Variants in LMTK2 observed in about 807,000 individuals in gnomAD.
The protein encoded by LMTK2 is serine/threonine-protein kinase LMTK2.
Under a neutral mutation model 127.5 loss-of-function variants are expected in LMTK2, and 37 were observed. The observed-to-expected ratio is 0.29, with a 90% CI of 0.22 to 0.38. The LOEUF (loss-of-function observed/expected upper bound fraction) is 0.38, where lower values mean the gene tolerates loss of function less well. Ranked by LOEUF, LMTK2 falls within the 10% of genes least tolerant of loss-of-function variation. The pLI is 1.00. For missense variants in LMTK2, 1,694 were observed against 1,920.3 expected (o/e 0.88, Z 2.20); for synonymous variants, 819 against 810.1 (o/e 1.01, Z -0.19).
At chr7:98,183,358 C>G (rs1275536924) in intron 7 of LMTK2, among the ~76,000 whole-genome samples, 1 of 152,134 alleles carries the variant, frequency 6.6e-6, no homozygotes, top group African/African-American at 2.4e-5. Context: ...TTATCTTAAC[C>G]CAGACACTCC....
intron 1 of LMTK2, among the ~76,000 whole-genome samples, chr7:98,127,763 C>A (rs13228540): frequency 6.6e-6 from 1 of 152,094 alleles, no homozygotes; most frequent in Non-Finnish European, 1.5e-5. Flanking sequence ...CCCCAAATAC[C>A]CTGATGTGGT....
chr7:98,107,309 T>A, intron 1 of LMTK2, 29 bp downstream of exon 1: 1 of 1,030,076 alleles, frequency 9.7e-7, no homozygotes, highest in Non-Finnish European at 1.2e-6. Context: ...GGGACGGGGC[T>A]GCGGGGTCTT....
chr7:98,112,891 C>G (rs1796223078), intron 1 of LMTK2, among the ~76,000 whole-genome samples: 1 of 152,220 alleles, frequency 6.6e-6, no homozygotes, highest in Non-Finnish European at 1.5e-5. Context: ...CAGTCTTGCT[C>G]TGTCACTCAG....
chr7:98,122,724 GTGTATA>G (rs1452379331), intron 1 of LMTK2, among the ~76,000 whole-genome samples: 233 of 21,982 alleles, frequency 0.011, 6 homozygotes, highest in South Asian at 0.09. Flanking sequence ...GTGTGTGTGT[GTGTATA>G]TATATAACTG....
intron 7 of LMTK2, among the ~76,000 whole-genome samples, chr7:98,175,765 T>G (rs771415955): frequency 6.6e-6 from 1 of 152,198 alleles, no homozygotes; most frequent in African/African-American, 2.4e-5. Context: ...CCAGTTTGAC[T>G]GCAGCTACAA....
Position 98,193,364 on chromosome 7 carries a change from G to T in LMTK2, c.2899G>T (p.Ala967Ser). ...AGCAAAAGAAGCAGGCTTGGTGTCT[G>T]CCCTCTCCTCGGACTCAACCAGTCA... ...DAAKEAGLVS[A>S]LSSDSTSQDS... Residue 967 changes from alanine (A) to serine (S), a missense_variant, in exon 11 of 14, where the codon GCC becomes TCC. By Grantham distance (99) the Ala-to-Ser change is moderately conservative (BLOSUM62 1). This residue lies in a region of LMTK2 where 527 missense variants were observed against 539.8 expected (regional missense o/e 0.98). Coordinates refer to ENST00000297293, the MANE Select transcript of LMTK2 (RefSeq NM_014916.4). The surrounding 1 kb of genome is among the most constrained non-coding windows in gnomAD (Gnocchi z 4.1). 6.2e-7 allele frequency: 1 copy of T among 1,614,166 alleles called. No individual in the cohort carries two copies. Among genetic ancestry groups the T allele is most frequent in the Non-Finnish European group, 8.5e-7 (1 of 1,180,028 alleles).
intron 1 of LMTK2, among the ~76,000 whole-genome samples, chr7:98,120,689 C>A (rs764170939): frequency 3.3e-5 from 5 of 152,112 alleles, no homozygotes; most frequent in Non-Finnish European, 5.9e-5. Flanking sequence ...GCAATTTGCC[C>A]CTGTAGAAGG....
intron 5 of LMTK2, among the ~76,000 whole-genome samples, chr7:98,157,260 GGT>G (rs1796938942): frequency 1.9e-5 from 1 of 52,892 alleles, no homozygotes; most frequent in African/African-American, 1.5e-4. Context: ...TCGGTAGGTA[GGT>G]AGGTAGGTAG....
At chr7:98,175,491 A>G (rs755274486) in intron 7 of LMTK2, among the ~76,000 whole-genome samples, 1 of 152,240 alleles carries the variant, frequency 6.6e-6, no homozygotes, top group Non-Finnish European at 1.5e-5. Context: ...TGTAGGCAGT[A>G]GGATGGCATG....
chr7:98,187,785 A>G lies in LMTK2; in HGVS notation c.998+787A>G, dbSNP rs1797463074. Among the ~76,000 whole-genome samples, 3 of 152,122 alleles carry G rather than the reference A, an allele frequency of 2.0e-5. 1 individual carries two copies. The South Asian group carries it at 6.2e-4, about 32-fold the overall frequency. On this transcript the variant is annotated intron_variant, in intron 9 of 13. Transcript: ENST00000297293. ...ACTACCACACCATTTTTGTACTTTTAGTAGAGATGGAGTTTTGCCATGGCT... is the reference window on the plus strand; with the variant it reads ...ACTACCACACCATTTTTGTACTTTTGGTAGAGATGGAGTTTTGCCATGGCT...
chr7:98,184,866 TTAAG>T (rs1377440118), intron 7 of LMTK2, among the ~76,000 whole-genome samples, 181 bp from the exon 8 acceptor site: 4 of 152,220 alleles, frequency 2.6e-5, no homozygotes, highest in African/African-American at 9.6e-5. Context: ...TCTTTATTAT[TTAAG>T]TGATTGATGA....
chr7:98,159,199 T>C, intron 5 of LMTK2, 139 bp from the exon 6 acceptor site: 1 of 503,182 alleles, frequency 2.0e-6, no homozygotes, highest in Non-Finnish European at 3.4e-6. Flanking sequence ...TTTTAGCCTG[T>C]CATTTATGTA....
intron 5 of LMTK2, among the ~76,000 whole-genome samples, chr7:98,156,595 G>T (rs774556386): frequency 6.6e-6 from 1 of 152,230 alleles, no homozygotes; most frequent in Admixed American, 6.5e-5. Context: ...AAATAGCTTG[G>T]CAGTTTCTTA....
At chr7:98,144,018 C>A (rs1372515748) in intron 3 of LMTK2, among the ~76,000 whole-genome samples, 5 of 152,180 alleles carry the variant, frequency 3.3e-5, no homozygotes, top group Admixed American at 6.6e-5. Context: ...AGATATACCA[C>A]ATACAAGCAA....
intron 7 of LMTK2, among the ~76,000 whole-genome samples, chr7:98,174,560 G>C (rs1797248282): frequency 6.6e-6 from 1 of 152,216 alleles, no homozygotes; most frequent in South Asian, 2.1e-4. Flanking sequence ...GCCTGTCCGT[G>C]AGATGCCACC....
chr7:98,107,542 G>T (rs944756258), intron 1 of LMTK2, among the ~76,000 whole-genome samples: 30 of 152,254 alleles, frequency 2.0e-4, no homozygotes, highest in African/African-American at 6.5e-4. Flanking sequence ...CTGCGGTGCC[G>T]GCCCTGGACC....
rs761806620 is a variant in LMTK2 at position 98,193,946 on chromosome 7, G to A, written c.3481G>A (p.Asp1161Asn). The change falls in exon 11 of 14, where the codon GAT becomes AAT. Residue 1161 changes from aspartate to asparagine, a missense_variant. Coordinates refer to ENST00000297293, the MANE Select transcript of LMTK2 (RefSeq NM_014916.4). This position sits in a 1 kb window ranked among gnomAD's most constrained non-coding sequence, Gnocchi z 4.1. ...SCLEARKSQPDESCLSALHNS... is the reference protein window; with the variant it reads ...SCLEARKSQPNESCLSALHNS... ...CCTGGAAGCCAGAAAGAGCCAGCCAGATGAAAGTTGTCTGTCTGCTTTGCA... is the reference window on the plus strand; with the variant it reads ...CCTGGAAGCCAGAAAGAGCCAGCCAAATGAAAGTTGTCTGTCTGCTTTGCA... The A allele has an allele frequency of 1.2e-6, 2 of 1,614,134 alleles. No homozygotes were observed. Among genetic ancestry groups the A allele is most frequent in the Non-Finnish European group, 8.5e-7 (1 of 1,180,048 alleles).
chr7:98,175,003 A>G (rs2116431517), intron 7 of LMTK2, among the ~76,000 whole-genome samples: 1 of 152,282 alleles, frequency 6.6e-6, no homozygotes, highest in East Asian at 1.9e-4. Context: ...TTTGATCGTC[A>G]GGGCCACCCC....
chr7:98,189,541 G>T (rs1797489630), intron 9 of LMTK2, among the ~76,000 whole-genome samples: 1 of 152,150 alleles, frequency 6.6e-6, no homozygotes. Context: ...CTTTAGGGGT[G>T]GATCTGACCT....
Sources: allele counts gnomAD v4.1 joint callset (sites outside exome capture counted in the v4.1 genomes callset), GRCh38; gene constraint gnomAD v4.1.1; regional missense constraint gnomAD v4.1.1; non-coding constraint Gnocchi (gnomAD v3.1); transcripts MANE v1.5; gene names NCBI Gene and HGNC (gene_info 2026-07-23, HGNC 2026-07-21).